Variants in EFTUD2 observed in about 807,000 individuals in gnomAD.
EFTUD2 encodes elongation factor Tu GTP binding domain containing 2.
EFTUD2 carries 9 observed loss-of-function variants against 114.3 expected under a neutral mutation model. That is an observed-to-expected ratio of 0.08 (90% CI 0.05 to 0.14). EFTUD2 has a LOEUF of 0.14. Ranked by LOEUF, EFTUD2 falls within the 10% of genes least tolerant of loss-of-function variation. The pLI is 1.00. For missense variants in EFTUD2, 765 were observed against 1,241.2 expected (o/e 0.62, Z 5.76); for synonymous variants, 449 against 462.3 (o/e 0.97, Z 0.37).
chr17:44,852,647 T>C (rs2050475521), intron 25 of EFTUD2, 85 bp from the exon 26 acceptor site: 2 of 1,504,056 alleles, frequency 1.3e-6, no homozygotes, highest in South Asian at 2.4e-5. Context: ...GTCCCCCAAA[T>C]GCATTCCAGC....
chr17:44,874,297 G>A (rs1335247708), intron 10 of EFTUD2, among the ~76,000 whole-genome samples: 1 of 151,978 alleles, frequency 6.6e-6, no homozygotes, highest in Non-Finnish European at 1.5e-5. Context: ...CTCCTGCCTT[G>A]ACCTCTCAAA....
intron 14 of EFTUD2, 57 bp from the exon 15 acceptor site, chr17:44,863,839 G>C: frequency 1.3e-6 from 2 of 1,598,816 alleles, no homozygotes; most frequent in South Asian, 2.2e-5. Context: ...GCACGAGCAG[G>C]AGTTACTGAG....
chr17:44,886,523 G>A, intron 3 of EFTUD2, 62 bp downstream of exon 3: 2 of 1,586,470 alleles, frequency 1.3e-6, no homozygotes, highest in Non-Finnish European at 8.6e-7. Context: ...AAGGTTTGCT[G>A]AGAGCTATGA....
intron 24 of EFTUD2, 36 bp downstream of exon 24, chr17:44,853,481 T>C: frequency 6.2e-7 from 1 of 1,612,584 alleles, no homozygotes. Flanking sequence ...CCCTGTCCAG[T>C]GAAGCAGATG....
Position 44,851,034 on chromosome 17 carries a change from C to A in EFTUD2, c.*240G>T. 1 of 494,300 alleles carries A rather than the reference C, an allele frequency of 2.0e-6. No individual in the cohort carries two copies. The highest frequency in any genetic ancestry group is 5.6e-4 in the Middle Eastern group (1 of 1,782). 30.6% of individuals were successfully genotyped at this position (494,300 alleles called of 1,614,324 possible). A position where few individuals can be genotyped will look rare whatever the true frequency, so the allele number is the denominator to read the frequency against. On this transcript the variant is annotated 3_prime_UTR_variant, in exon 28 of 28. Coordinates refer to ENST00000426333, the MANE Select transcript of EFTUD2 (RefSeq NM_004247.4). ...TTCATCCCCTTCTCTTTCTGTGAGC[C>A]CAAGCTCCTCTCTTTTCCTTGGGAA...
chr17:44,851,470 G>T, intron 27 of EFTUD2, 101 bp from the exon 28 acceptor site: 1 of 1,037,784 alleles, frequency 9.6e-7, no homozygotes, highest in Non-Finnish European at 1.5e-6. Context: ...AGTGGTGGCT[G>T]GAATGTAGGT....
Position 44,854,193 on chromosome 17 carries a change from G to A in EFTUD2, c.2347+76C>T. 1 of 1,485,420 alleles carries A rather than the reference G, an allele frequency of 6.7e-7. No individual in the cohort carries two copies. Among genetic ancestry groups the A allele is most frequent in the Non-Finnish European group, 9.1e-7 (1 of 1,096,048 alleles). 92.0% of individuals were successfully genotyped at this position (1,485,420 alleles called of 1,614,324 possible). A position where few individuals can be genotyped will look rare whatever the true frequency, so the allele number is the denominator to read the frequency against. ...GCTTCTCCTGCCGAATCCTAAAGAT[G>A]GTGAGCCCATCCCACTCATATGCCT... is the stretch of plus-strand genomic sequence containing the variant. On this transcript the variant is annotated intron_variant, in intron 23 of 27. Coordinates refer to ENST00000426333, the MANE Select transcript of EFTUD2 (RefSeq NM_004247.4). This position sits in a 1 kb window ranked among gnomAD's most constrained non-coding sequence, Gnocchi z 4.3.
chr17:44,852,217 C>A (rs2050467886), intron 26 of EFTUD2, among the ~76,000 whole-genome samples, 192 bp downstream of exon 26: 1 of 151,832 alleles, frequency 6.6e-6, no homozygotes, highest in Non-Finnish European at 1.5e-5. Flanking sequence ...ATAGCCGGCC[C>A]TATTATTTCT....
intron 23 of EFTUD2, 200 bp from the exon 24 acceptor site, chr17:44,853,835 T>C (rs2050499411): frequency 1.4e-6 from 2 of 1,420,592 alleles, no homozygotes; most frequent in South Asian, 3.1e-5. Flanking sequence ...ATGTTCTTAG[T>C]GTTTGCTTCA....
intron 27 of EFTUD2, 135 bp from the exon 28 acceptor site, chr17:44,851,504 T>C: frequency 1.1e-6 from 1 of 886,840 alleles, no homozygotes; most frequent in Non-Finnish European, 1.8e-6. Flanking sequence ...GAGCCCTGCC[T>C]TTAGGGTACT....
intron 26 of EFTUD2, 144 bp downstream of exon 26, chr17:44,852,265 G>T: frequency 2.1e-6 from 2 of 933,914 alleles, no homozygotes; most frequent in Non-Finnish European, 3.1e-6. Context: ...GATTCAAGTT[G>T]CCCTGAATAT....
intron 14 of EFTUD2, 55 bp from the exon 15 acceptor site, chr17:44,863,837 A>G: frequency 1.2e-6 from 2 of 1,600,864 alleles, no homozygotes; most frequent in Non-Finnish European, 1.7e-6. Flanking sequence ...GAGCACGAGC[A>G]GGAGTTACTG....
At chr17:44,853,720 T>C (rs1310895359) in intron 23 of EFTUD2, 85 bp from the exon 24 acceptor site, 35 of 1,581,174 alleles carry the variant, frequency 2.2e-5, no homozygotes, top group Non-Finnish European at 2.9e-5. Context: ...CCTGCAACAC[T>C]GCAGCTGTCT....
Position 44,868,292 on chromosome 17 carries a change from A to G in EFTUD2, c.1053T>C (p.Pro351=). 6.2e-7 allele frequency: 1 copy of G among 1,613,888 alleles called. No homozygotes were observed. Among genetic ancestry groups the G allele is most frequent in the Non-Finnish European group, 8.5e-7 (1 of 1,179,860 alleles). The part of the protein sequence containing the change: ...KRLWGDIYFN[P]KTRKFTKKAP... ...ACGTCCCATACTCTACTTACGTCTT[A>G]GGGTTGAAGTAGATGTCACCCCAGA... Residue 351 remains proline, a synonymous_variant, in exon 12 of 28, where the codon CCT becomes CCC. Transcript: ENST00000426333.
chr17:44,893,767 T>G (rs1369711187), intron 2 of EFTUD2, among the ~76,000 whole-genome samples: 21 of 85,460 alleles, frequency 2.5e-4, no homozygotes, highest in Non-Finnish European at 2.9e-4. Context: ...TAAAAAAAGG[T>G]GGGGGGGGGG....
At position 44,886,628 on chromosome 17, in the gene EFTUD2, C is replaced by G. The variant is rs1445907316; in HGVS notation, c.228G>C (p.Glu76Asp). The change falls in exon 3 of 28, where the codon GAG becomes GAC. Residue 76 changes from glutamate (E) to aspartate (D), a missense_variant. Physicochemically the swap from Glu to Asp is conservative, Grantham distance 45. Around this residue, in one of 6 missense-constraint regions of EFTUD2, gnomAD observed 121 missense variants for 133.7 expected, o/e 0.90. Coordinates refer to ENST00000426333, the MANE Select transcript of EFTUD2 (RefSeq NM_004247.4). ...CTTCCTCTTGAACTATGGTCTCCAC[C>G]TCAGGACCATACACCTCCTCGGCTG... ...YPTAEEVYGP[E>D]VETIVQEEDT... is the part of the protein sequence containing the mutation. 1.2e-6 allele frequency: 2 copies of G among 1,614,156 alleles called. No individual in the cohort carries two copies. Among genetic ancestry groups the G allele is most frequent in the East Asian group, 4.5e-5 (2 of 44,888 alleles).
intron 9 of EFTUD2, among the ~76,000 whole-genome samples, chr17:44,878,873 T>A (rs1243146546): frequency 6.6e-6 from 1 of 152,192 alleles, no homozygotes; most frequent in Non-Finnish European, 1.5e-5. Flanking sequence ...AAGTGTTCCA[T>A]CTCTCAATTG....
intron 1 of EFTUD2, among the ~76,000 whole-genome samples, chr17:44,897,097 T>A (rs1229419182): frequency 6.6e-6 from 1 of 151,220 alleles, no homozygotes; most frequent in African/African-American, 2.4e-5. Flanking sequence ...GCGCCCGTAG[T>A]CCCAGCTACT....
At chr17:44,882,229 T>C (rs1355039184) in intron 6 of EFTUD2, among the ~76,000 whole-genome samples, 1 of 151,742 alleles carries the variant, frequency 6.6e-6, no homozygotes, top group African/African-American at 2.4e-5. Flanking sequence ...CCACCACACA[T>C]GGCTGGGTTT....
Sources: gnomAD v4.1 joint callset for allele counts (sites outside exome capture counted in the v4.1 genomes callset) on GRCh38, gnomAD v4.1.1 for gene constraint, gnomAD v4.1.1 regional missense constraint, Gnocchi (gnomAD v3.1) non-coding constraint, MANE v1.5 for transcripts, NCBI Gene and HGNC (gene_info 2026-07-23, HGNC 2026-07-21) for gene names.